MYO3B: variants seen among roughly 807,000 people sequenced by gnomAD.
MYO3B encodes myosin-IIIb.
MYO3B carries 156 observed loss-of-function variants against 174.6 expected under a neutral mutation model. The ratio of observed to expected loss-of-function variants is 0.89; its 90% CI spans 0.78 to 1.02. MYO3B has a LOEUF of 1.02. Among genes scored for constraint, MYO3B ranks in the 50% least tolerant of loss-of-function variants. The probability of loss-of-function intolerance (pLI) is 0.00; values close to 1 mark genes in which losing one functional copy is unlikely to be tolerated. For synonymous variants in MYO3B, 563 were observed against 569.1 expected (o/e 0.99, Z 0.15); for missense variants, 1,632 against 1,639.4 (o/e 1.00, Z 0.08).
intron 23 of MYO3B, among the ~76,000 whole-genome samples, chr2:170,462,172 A>G (rs1172877537): frequency 6.6e-6 from 1 of 152,184 alleles, no homozygotes; most frequent in Admixed American, 6.5e-5. Context: ...CAAAATGTCA[A>G]ACCTACAGGC....
chr2:170,216,734 C>A (rs2092832946), intron 5 of MYO3B, among the ~76,000 whole-genome samples: 2 of 152,132 alleles, frequency 1.3e-5, no homozygotes, highest in African/African-American at 4.8e-5. Context: ...GATAGTGCAG[C>A]CGATCTTCTT....
chr2:170,483,375 CTTTTTTTTTT>C (rs61527598), intron 25 of MYO3B, among the ~76,000 whole-genome samples: 7 of 62,096 alleles, frequency 1.1e-4, no homozygotes, highest in African/African-American at 5.3e-4. Context: ...CTTGGGGATT[CTTTTTTTTTT>C]TTTTTTTTTT....
intron 22 of MYO3B, among the ~76,000 whole-genome samples, chr2:170,409,336 G>A (rs2094531184): frequency 6.6e-6 from 1 of 152,188 alleles, no homozygotes; most frequent in South Asian, 2.1e-4. Context: ...CTCCGCCGCT[G>A]CGTCTTTTTT....
At chr2:170,373,828 T>TA (rs34605437) in intron 9 of MYO3B, among the ~76,000 whole-genome samples, 7,654 of 145,484 alleles carry the variant, frequency 0.053, 646 homozygotes, top group African/African-American at 0.18. Flanking sequence ...GAATGGCCTT[T>TA]AAAAAAAAAA....
At chr2:170,607,852 CT>C (rs1694908048) in intron 32 of MYO3B, among the ~76,000 whole-genome samples, 1 of 152,118 alleles carries the variant, frequency 6.6e-6, no homozygotes, top group South Asian at 2.1e-4. Flanking sequence ...TTAGTAGACG[CT>C]CTAGGTAAAG....
At chr2:170,442,524 T>C (rs1205633389) in intron 22 of MYO3B, among the ~76,000 whole-genome samples, 2 of 150,446 alleles carry the variant, frequency 1.3e-5, no homozygotes, top group African/African-American at 4.9e-5. Flanking sequence ...TTAATTATAC[T>C]TGAAGTTCTA....
chr2:170,416,918 C>T (rs1222891790), intron 22 of MYO3B, among the ~76,000 whole-genome samples: 4 of 150,478 alleles, frequency 2.7e-5, no homozygotes, highest in African/African-American at 4.9e-5. Flanking sequence ...CTCTGCCTCC[C>T]GGGTTCAAGC....
chr2:170,606,326 C>T (rs1224846575), intron 32 of MYO3B, among the ~76,000 whole-genome samples: 1 of 152,178 alleles, frequency 6.6e-6, no homozygotes, highest in Admixed American at 6.5e-5. Context: ...ATTCTAGCTA[C>T]ACTGGGCAGA....
chr2:170,638,054 C>CG (rs1366604977), intron 32 of MYO3B, among the ~76,000 whole-genome samples: 1 of 151,654 alleles, frequency 6.6e-6, no homozygotes, highest in Admixed American at 6.6e-5. Context: ...TGGTCTACTA[C>CG]TGACATTCTT....
At chr2:170,600,462 A>G (rs1424416027) in intron 32 of MYO3B, among the ~76,000 whole-genome samples, 2 of 152,206 alleles carry the variant, frequency 1.3e-5, no homozygotes, top group African/African-American at 4.8e-5. Context: ...ACTGAAATGC[A>G]AAGTTTAAGT....
At chr2:170,224,604 G>A (rs2092932690) in intron 6 of MYO3B, among the ~76,000 whole-genome samples, 1 of 151,838 alleles carries the variant, frequency 6.6e-6, no homozygotes, top group Non-Finnish European at 1.5e-5. Context: ...ACTACACTTT[G>A]CAATTCCGCC....
chr2:170,483,956 C>G (rs546951011), intron 25 of MYO3B, among the ~76,000 whole-genome samples: 15 of 152,292 alleles, frequency 9.8e-5, no homozygotes, highest in Middle Eastern at 6.8e-3. Context: ...CAGTTGTCCT[C>G]TTAGCCGTGA....
Position 170,310,665 on chromosome 2 carries a change from C to CAAAAAAA in MYO3B, c.750-24704_750-24698dup, listed in dbSNP as rs746315736. 3.7e-3 allele frequency among the ~76,000 whole-genome samples: 229 copies of CAAAAAAA among 61,140 alleles called. 4 individuals are homozygous for CAAAAAAA. The highest frequency in any genetic ancestry group is 5.3e-3 in the East Asian group (9 of 1,700). The allele number at this position is 61,140 out of a possible 152,430, so 40.1% of individuals were successfully genotyped here. On this transcript the variant is annotated intron_variant, in intron 7 of 34. Coordinates refer to ENST00000408978, the MANE Select transcript of MYO3B (RefSeq NM_138995.5). ...GGGCGACAAGAGCAAGACTCCATCTCAAAAAAAAAAAAAAAAAAAAAAGAA... is the reference window on the plus strand; with the variant it reads ...GGGCGACAAGAGCAAGACTCCATCTCAAAAAAAAAAAAAAAAAAAAAAAAAAAAAGAA...
intron 16 of MYO3B, among the ~76,000 whole-genome samples, chr2:170,397,299 C>T (rs959088902): frequency 6.6e-6 from 1 of 152,050 alleles, no homozygotes; most frequent in African/African-American, 2.4e-5. Flanking sequence ...TTTGGCTTTA[C>T]TGAGTAATGT....
Position 170,200,298 on chromosome 2 carries a change from A to G in MYO3B, c.321+14A>G, listed in dbSNP as rs200003551. ...CTGGTCCTGGAGGTAAGAGGCTCCCATTGGGTAACCAGTGATTTGAACAGA... is the reference window on the plus strand; with the variant it reads ...CTGGTCCTGGAGGTAAGAGGCTCCCGTTGGGTAACCAGTGATTTGAACAGA... On this transcript the variant is annotated intron_variant, in intron 3 of 34. Transcript: ENST00000408978. 164 of 1,606,860 alleles carry G rather than the reference A, an allele frequency of 1.0e-4. No individual in the cohort carries two copies. Among genetic ancestry groups the G allele is most frequent in the Admixed American group, 4.6e-4 (27 of 58,740 alleles).
At chr2:170,585,138 A>G (rs1351876104) in intron 32 of MYO3B, among the ~76,000 whole-genome samples, 14 of 152,242 alleles carry the variant, frequency 9.2e-5, no homozygotes, top group Admixed American at 9.2e-4. Flanking sequence ...AAAGTTCTCC[A>G]GATGACTCTA....
At chr2:170,527,858 A>T (rs1185658294) in intron 30 of MYO3B, among the ~76,000 whole-genome samples, 1 of 152,242 alleles carries the variant, frequency 6.6e-6, no homozygotes, top group East Asian at 1.9e-4. Flanking sequence ...GAGATAATAA[A>T]CTTTAGGGCT....
At chr2:170,408,826 G>A (rs1205274210) in intron 22 of MYO3B, among the ~76,000 whole-genome samples, 2 of 150,556 alleles carry the variant, frequency 1.3e-5, no homozygotes, top group Non-Finnish European at 2.9e-5. Flanking sequence ...GTTGAAATCC[G>A]GCTCTTTTTT....
chr2:170,500,403 A>C (rs1398418882), intron 27 of MYO3B, among the ~76,000 whole-genome samples: 1 of 152,174 alleles, frequency 6.6e-6, no homozygotes, highest in African/African-American at 2.4e-5. Flanking sequence ...TGGGGTATGC[A>C]TCAGTTTCTC....
Sources: gnomAD v4.1 joint callset for allele counts (sites outside exome capture counted in the v4.1 genomes callset) on GRCh38, gnomAD v4.1.1 for gene constraint, MANE v1.5 for transcripts, NCBI Gene and HGNC (gene_info 2026-07-23, HGNC 2026-07-21) for gene names.